ITGAE: variants seen among roughly 807,000 people sequenced by gnomAD.
ITGAE encodes integrin subunit alpha E, also known as integrin alpha-E.
ITGAE carries 99 observed loss-of-function variants against 136.5 expected under a neutral mutation model. That is an observed-to-expected ratio of 0.73 (90% confidence interval 0.62 to 0.86). The LOEUF is 0.86. Among genes scored for constraint, ITGAE ranks in the 40% least tolerant of loss-of-function variants. ITGAE has a pLI of 0.00. For synonymous variants in ITGAE, 613 were observed against 591.8 expected (o/e 1.04, Z -0.52); for missense variants, 1,447 against 1,515.3 (o/e 0.95, Z 0.75).
At chr17:3,721,010 C>T (rs1345106052) in intron 28 of ITGAE, among the ~76,000 whole-genome samples, 1 of 152,130 alleles carries the variant, frequency 6.6e-6, no homozygotes, top group Non-Finnish European at 1.5e-5. Context: ...GTCACTATAG[C>T]CTCAACCTTC....
chr17:3,761,402 C>A lies in ITGAE; in HGVS notation c.433+1G>T. The A allele has an allele frequency of 6.2e-7, 1 of 1,609,510 alleles. No homozygotes were observed. The highest frequency in any genetic ancestry group is 8.5e-7 in the Non-Finnish European group (1 of 1,177,974). On this transcript the variant is annotated splice_donor_variant, in intron 5 of 30. Coordinates refer to ENST00000263087, the MANE Select transcript of ITGAE (RefSeq NM_002208.5). LOFTEE classifies it high-confidence loss of function. The stretch of plus-strand genomic sequence containing the variant: ...AAGGCCAGTGAATGTCCAATCCTTA[C>A]CAAGGTCGAAGAAGTTGGCCTGAGC...
At chr17:3,797,013 C>T (rs1247153493) in intron 1 of ITGAE, among the ~76,000 whole-genome samples, 1 of 151,894 alleles carries the variant, frequency 6.6e-6, no homozygotes, top group African/African-American at 2.4e-5. Context: ...CGATCTTCTA[C>T]ACGGAGCCTC....
intron 7 of ITGAE, 139 bp downstream of exon 7, chr17:3,760,033 A>G: frequency 1.6e-6 from 1 of 639,126 alleles, no homozygotes; most frequent in Non-Finnish European, 2.8e-6. Flanking sequence ...TCCAGGCAAG[A>G]TGGACAGAAG....
intron 1 of ITGAE, among the ~76,000 whole-genome samples, chr17:3,792,754 A>C (rs1417543336): frequency 3.3e-5 from 5 of 152,238 alleles, no homozygotes; most frequent in Admixed American, 6.5e-5. Context: ...TGAATGAATG[A>C]AGCTTTCTTG....
chr17:3,794,933 C>A (rs1052368538), intron 1 of ITGAE, among the ~76,000 whole-genome samples: 3 of 152,184 alleles, frequency 2.0e-5, no homozygotes, highest in Non-Finnish European at 2.9e-5. Context: ...GGCACCCCCC[C>A]GCTCTGCCCG....
intron 2 of ITGAE, among the ~76,000 whole-genome samples, chr17:3,772,973 G>T (rs964140160): frequency 6.6e-6 from 1 of 152,200 alleles, no homozygotes; most frequent in Non-Finnish European, 1.5e-5. Flanking sequence ...ACTCAATTCC[G>T]ACATGCTCCA....
rs182497705 is a variant in ITGAE, at chr17:3,747,458, C to T, written c.2155+464G>A. Among the ~76,000 whole-genome samples the T allele has an allele frequency of 7.4e-4, 113 of 152,234 alleles. 1 individual carries two copies. The highest frequency in any genetic ancestry group is 2.6e-3 in the African/African-American group (110 of 41,552). On this transcript the variant is annotated intron_variant, in intron 17 of 30. Coordinates refer to ENST00000263087, the MANE Select transcript of ITGAE (RefSeq NM_002208.5). ...TCAGCCTCCCGAGTAGCTGGGATTA[C>T]AGGCACCTGCCCGGCTAATTTTTTG...
intron 1 of ITGAE, 106 bp from the exon 2 acceptor site, chr17:3,777,766 C>T: frequency 2.3e-6 from 3 of 1,315,014 alleles, no homozygotes; most frequent in East Asian, 4.8e-5. Context: ...AAAAGTGAGA[C>T]TGCCCAGGGA....
chr17:3,736,708 T>C (rs2472028), intron 20 of ITGAE, among the ~76,000 whole-genome samples: 97,741 of 152,046 alleles, frequency 0.64, 33,673 homozygotes, highest in African/African-American at 0.9. Flanking sequence ...TAGCTGAGAT[T>C]GACAGAAAAA....
intron 3 of ITGAE, among the ~76,000 whole-genome samples, 194 bp from the exon 4 acceptor site, chr17:3,762,176 TC>T (rs1230324710): frequency 6.6e-6 from 1 of 152,110 alleles, no homozygotes; most frequent in Non-Finnish European, 1.5e-5. Flanking sequence ...CGAGTGCCCA[TC>T]CCCGGGGCTC....
Position 3,762,002 on chromosome 17 carries a change from G to T in ITGAE, c.248-20C>A. 6.2e-7 allele frequency: 1 copy of T among 1,609,942 alleles called. No homozygotes were observed. Among genetic ancestry groups the T allele is most frequent in the African/African-American group, 1.3e-5 (1 of 74,966 alleles). The stretch of plus-strand genomic sequence containing the variant: ...CATGCTCTGAAAAAGTTAAGCCCAG[G>T]TGAGGAGGAGGAGGGGACTCTGGGA... On this transcript the variant is annotated intron_variant, in intron 3 of 30. Transcript: ENST00000263087.
chr17:3,767,902 C>G (rs1350044966), intron 2 of ITGAE, among the ~76,000 whole-genome samples: 2 of 152,160 alleles, frequency 1.3e-5, no homozygotes, highest in Non-Finnish European at 2.9e-5. Flanking sequence ...GCAAAGCTTA[C>G]TATGCTGCAG....
chr17:3,771,296 C>T (rs1033736776), intron 2 of ITGAE, among the ~76,000 whole-genome samples: 1 of 152,062 alleles, frequency 6.6e-6, no homozygotes, highest in African/African-American at 2.4e-5. Context: ...CCCGACGTAG[C>T]GGGGCACACA....
At chr17:3,725,955 A>C (rs139709025) in intron 26 of ITGAE, 9 of 1,613,746 alleles carry the variant, frequency 5.6e-6, no homozygotes, top group Non-Finnish European at 6.8e-6. Flanking sequence ...TGGGAAGAGC[A>C]GCACTATCCC....
chr17:3,784,195 G>A (rs940292340), intron 1 of ITGAE, among the ~76,000 whole-genome samples: 53 of 152,110 alleles, frequency 3.5e-4, no homozygotes, highest in African/African-American at 1.2e-3. Flanking sequence ...GGGAGGCGGA[G>A]CTTGCAGTGA....
chr17:3,772,439 T>A (rs1434881953), intron 2 of ITGAE, among the ~76,000 whole-genome samples: 1 of 152,060 alleles, frequency 6.6e-6, no homozygotes, highest in African/African-American at 2.4e-5. Flanking sequence ...GGCCCCATCC[T>A]TACCACTTAA....
intron 6 of ITGAE, 123 bp downstream of exon 6, chr17:3,760,890 G>T: frequency 7.2e-7 from 1 of 1,396,958 alleles, no homozygotes; most frequent in Non-Finnish European, 9.5e-7. Flanking sequence ...GTACAGGTCA[G>T]GTCTGTAAAG....
intron 2 of ITGAE, among the ~76,000 whole-genome samples, chr17:3,770,855 AGGG>A (rs1381659955): frequency 6.6e-6 from 1 of 152,036 alleles, no homozygotes; most frequent in Non-Finnish European, 1.5e-5. Context: ...CTTCTGAGAG[AGGG>A]GCTGTGAATG....
rs754309430 is a variant in ITGAE at position 3,739,885 on chromosome 17, CCAGA to C, written c.2449-11_2449-8del. On this transcript the variant is annotated splice_region_variant and splice_polypyrimidine_tract_variant and intron_variant, in intron 19 of 30. Transcript: ENST00000263087. ...AGGCCTTCTCATAGGGCAGCTGTAA[CCAGA>C]CAGAGAGTCCCGATCAGCCCAGGCT... The C allele has an allele frequency of 5.6e-6, 9 of 1,612,890 alleles. No individual in the cohort carries two copies. Among genetic ancestry groups the C allele is most frequent in the South Asian group, 1.1e-5 (1 of 91,064 alleles).
Sources: allele counts gnomAD v4.1 joint callset (sites outside exome capture counted in the v4.1 genomes callset), GRCh38; gene constraint gnomAD v4.1.1; transcripts MANE v1.5; gene names NCBI Gene and HGNC (gene_info 2026-07-23, HGNC 2026-07-21).